Variants in ACP2 observed in about 807,000 individuals in gnomAD.
ACP2 encodes the protein lysosomal acid phosphatase.
A neutral mutation model predicts 54.7 loss-of-function variants in ACP2; 35 were observed. The observed-to-expected ratio is 0.64, with a 90% CI of 0.49 to 0.85. The LOEUF (loss-of-function observed/expected upper bound fraction) is 0.85. Among genes scored for constraint, ACP2 ranks in the 40% least tolerant of loss-of-function variants. ACP2 has a pLI of 0.00. For synonymous variants in ACP2, 210 were observed against 224.4 expected, an observed-to-expected ratio of 0.94 and a Z score of 0.57; for missense variants, 492 against 565.0, an observed-to-expected ratio of 0.87 and a Z score of 1.31.
At chr11:47,245,856 T>G in intron 3 of ACP2, 22 bp from the exon 4 acceptor site, 2 of 1,317,976 alleles carry the variant, frequency 1.5e-6, no homozygotes, top group Non-Finnish European at 1.9e-6. Context: ...GCAACACAAG[T>G]CGTGTGTGTG....
Position 47,248,454 on chromosome 11 carries a change from C to A in ACP2, c.114+222G>T, listed in dbSNP as rs549986852. ...TCTTTAGGGATGAGTCTTAACCATT[C>A]AACCACTTCCCTGTCTCAAGGCAGA... On this transcript the variant is annotated intron_variant, in intron 1 of 10. Coordinates refer to ENST00000672073, the MANE Select transcript of ACP2 (RefSeq NM_001610.4). The A allele has an allele frequency of 1.7e-5, 27 of 1,544,954 alleles. No homozygotes were observed. The East Asian group carries it at 4.4e-4, about 25-fold the overall frequency.
Position 47,240,024 on chromosome 11 carries a change from C to G in ACP2, c.*92G>C. The stretch of plus-strand genomic sequence containing the variant: ...ATCAGAGGGAGGCCCAACCCAGGAT[C>G]TCCTGTCCATGGGCTGGGGAGCAGC... On this transcript the variant is annotated 3_prime_UTR_variant, in exon 11 of 11. Coordinates refer to ENST00000672073, the MANE Select transcript of ACP2 (RefSeq NM_001610.4). The G allele has an allele frequency of 6.9e-7, 1 of 1,443,368 alleles. No individual in the cohort carries two copies. Among genetic ancestry groups the G allele is most frequent in the Non-Finnish European group, 9.4e-7 (1 of 1,068,718 alleles). The allele number at this position is 1,443,368 out of a possible 1,614,324, so 89.4% of individuals were successfully genotyped here. A position where few individuals can be genotyped will look rare whatever the true frequency, so the allele number is the denominator to read the frequency against.
In ACP2 at chr11:47,239,648, A is replaced by G. The variant is rs141817382; in HGVS notation, c.*468T>C. On this transcript the variant is annotated 3_prime_UTR_variant, in exon 11 of 11. Transcript: ENST00000672073. Reference sequence around the variant, plus strand: ...GGGTGATCCAGTTCCTTGGGAGCCAATGTTTGTACCCCTGGTATTAGCTGT... The same window carrying G: ...GGGTGATCCAGTTCCTTGGGAGCCAGTGTTTGTACCCCTGGTATTAGCTGT... 1.9e-3 allele frequency: 304 copies of G among 156,018 alleles called. 2 individuals are homozygous for G. Among genetic ancestry groups the G allele is most frequent in the African/African-American group, 6.8e-3 (284 of 41,626 alleles). 9.7% of individuals were successfully genotyped at this position (156,018 alleles called of 1,614,324 possible).
intron 5 of ACP2, 27 bp from the exon 6 acceptor site, chr11:47,245,421 T>G (rs912963658): frequency 5.6e-6 from 9 of 1,614,168 alleles, no homozygotes; most frequent in Non-Finnish European, 7.6e-6. Context: ...AGGGTCTCAG[T>G]CCTGCTCTGG....
chr11:47,245,193 C>T (rs759101018), intron 6 of ACP2, 112 bp downstream of exon 6: 4 of 1,223,140 alleles, frequency 3.3e-6, no homozygotes, highest in Non-Finnish European at 3.6e-6. Flanking sequence ...CACAGCCTCC[C>T]TGGACCTCCC....
rs746185729 is a variant in ACP2 at position 47,247,526 on chromosome 11, G to A, written c.297+115C>T. 5 of 1,213,334 alleles carry A rather than the reference G, an allele frequency of 4.1e-6. No homozygotes were observed. The Admixed American group carries it at 8.8e-5, about 21-fold the overall frequency. 75.2% of individuals were successfully genotyped at this position (1,213,334 alleles called of 1,614,324 possible). On this transcript the variant is annotated intron_variant, in intron 3 of 10. Coordinates refer to ENST00000672073, the MANE Select transcript of ACP2 (RefSeq NM_001610.4). ...CTCAGATGTCTTTTCCTGTAGTTGTGACCAAAAATACAAGAAGGAGGCCAA... is the reference window on the plus strand; with the variant it reads ...CTCAGATGTCTTTTCCTGTAGTTGTAACCAAAAATACAAGAAGGAGGCCAA...
At chr11:47,248,291 G>C (rs1257364350) in intron 1 of ACP2, 158 bp from the exon 2 acceptor site, 2 of 1,012,154 alleles carry the variant, frequency 2.0e-6, no homozygotes, top group Middle Eastern at 2.1e-4. Context: ...ACTTCTTCCA[G>C]ATTCCAGAGA....
chr11:47,248,309 T>TGGAG, intron 1 of ACP2, 176 bp from the exon 2 acceptor site: 1 of 1,048,436 alleles, frequency 9.5e-7, no homozygotes, highest in Non-Finnish European at 1.4e-6. Context: ...AGATTCTAAC[T>TGGAG]TAGCTAAGCA....
intron 6 of ACP2, 164 bp downstream of exon 6, chr11:47,245,141 G>T (rs990904771): frequency 5.3e-6 from 5 of 935,202 alleles, no homozygotes; most frequent in Non-Finnish European, 8.6e-6. Context: ...CCCACTCTGA[G>T]GATCTCTGTC....
At chr11:47,243,456 AC>A in intron 7 of ACP2, 135 bp from the exon 8 acceptor site, 1 of 670,838 alleles carries the variant, frequency 1.5e-6, no homozygotes, top group Non-Finnish European at 2.6e-6. Context: ...TGTCATAGGG[AC>A]CATGTAAGAA....
intron 10 of ACP2, among the ~76,000 whole-genome samples, 188 bp downstream of exon 10, chr11:47,242,535 G>A (rs761508607): frequency 2.0e-5 from 3 of 152,196 alleles, no homozygotes; most frequent in Non-Finnish European, 4.4e-5. Flanking sequence ...TTATTTTCTC[G>A]GTGATACAAG....
At position 47,244,878 on chromosome 11, in the gene ACP2, C is replaced by A; in HGVS notation, c.640-11G>T. The A allele has an allele frequency of 5.0e-6, 8 of 1,595,414 alleles. No homozygotes were observed. The highest frequency in any genetic ancestry group is 6.8e-6 in the Non-Finnish European group (8 of 1,168,348). On this transcript the variant is annotated splice_polypyrimidine_tract_variant and intron_variant, in intron 6 of 10. Coordinates refer to ENST00000672073, the MANE Select transcript of ACP2 (RefSeq NM_001610.4). The stretch of plus-strand genomic sequence containing the variant: ...CAGCCCGTGCGTTTGCTGTGTATCG[C>A]AGCAGGCAGGTTAGCGCCCCAGGCC...
chr11:47,245,831 A>AAACC lies in ACP2; in HGVS notation c.298-1_300dup (p.Tyr101GlyfsTer9). 1 of 1,567,740 alleles carries AAACC rather than the reference A, an allele frequency of 6.4e-7. No individual in the cohort carries two copies. The highest frequency in any genetic ancestry group is 8.7e-7 in the Non-Finnish European group (1 of 1,156,036). On this transcript the variant is annotated frameshift_variant, in exon 4 of 11. Coordinates refer to ENST00000672073, the MANE Select transcript of ACP2 (RefSeq NM_001610.4). LOFTEE classifies it high-confidence loss of function. ...CGGTCAAAGTCTGTGCTTCGCACAT[A>AAACC]AACCTGCAGCGATAGCAACACAAGT...
chr11:47,240,646 G>A (rs922672151), intron 10 of ACP2, among the ~76,000 whole-genome samples: 1 of 151,996 alleles, frequency 6.6e-6, no homozygotes, highest in Non-Finnish European at 1.5e-5. Context: ...GTGGTGAAAT[G>A]CCGTCTCTAC....
intron 10 of ACP2, among the ~76,000 whole-genome samples, chr11:47,241,041 TATC>T (rs1454215049): frequency 6.6e-6 from 1 of 152,070 alleles, no homozygotes; most frequent in Admixed American, 6.6e-5. Flanking sequence ...CACATGCTAG[TATC>T]ATCAAGAGTC....
At position 47,248,127 on chromosome 11, in the gene ACP2, G is replaced by A. The variant is rs916224962; in HGVS notation, c.121C>T (p.Arg41Cys). Residue 41 changes from arginine (R) to cysteine (C), a missense_variant, in exon 2 of 11, where the codon CGC (arginine) becomes TGC (cysteine). By Grantham distance (180) the Arg-to-Cys change is radical (BLOSUM62 -3). Transcript: ENST00000672073. ...RSLRFVTLLY[R>C]HGDRSPVKTY... ...TTCACTGGTGAACGGTCTCCATGGCGGTACAGCTGAGAGAATAAAATGGTT... is the reference window on the plus strand; with the variant it reads ...TTCACTGGTGAACGGTCTCCATGGCAGTACAGCTGAGAGAATAAAATGGTT... 2.5e-6 allele frequency: 4 copies of A among 1,602,156 alleles called. No homozygotes were observed. The highest frequency in any genetic ancestry group is 3.4e-6 in the Non-Finnish European group (4 of 1,176,252).
In ACP2 at chr11:47,245,923, T is replaced by C. The variant is rs1954062169; in HGVS notation, c.298-89A>G. On this transcript the variant is annotated intron_variant, in intron 3 of 10. Transcript: ENST00000672073. ...GGTCACCCTGAAGTGGAGCCTTGTA[T>C]GTATGTGTGTGTGTGTGGTGGGAAG... The C allele has an allele frequency of 4.9e-6, 7 of 1,441,858 alleles. No individual in the cohort carries two copies. The South Asian group carries it at 8.7e-5, about 18-fold the overall frequency. 89.3% of individuals were successfully genotyped at this position (1,441,858 alleles called of 1,614,324 possible).
chr11:47,248,762 G>C lies in ACP2; in HGVS notation c.28C>G (p.Arg10Gly), dbSNP rs41275182. ...AGAAGGAGCTGGAGGAGAGCCGCCC[G>C]GCTCCAGCCGGACCGCTTGCCCGCC... Reference protein sequence around the residue: MAGKRSGWSRAALLQLLLGV... With the variant: MAGKRSGWSGAALLQLLLGV... Residue 10 changes from arginine to glycine, a missense_variant, in exon 1 of 11, where the codon CGG (arginine) becomes GGG (glycine). Physicochemically the swap from Arg to Gly is moderately radical, Grantham distance 125 (BLOSUM62 -2). Coordinates refer to ENST00000672073, the MANE Select transcript of ACP2 (RefSeq NM_001610.4). The C allele has an allele frequency of 6.2e-7, 1 of 1,601,376 alleles. No individual in the cohort carries two copies.
intron 1 of ACP2, 77 bp downstream of exon 1, chr11:47,248,599 G>C: frequency 6.4e-7 from 1 of 1,554,668 alleles, no homozygotes; most frequent in Non-Finnish European, 8.7e-7. Flanking sequence ...GTTCCTTCCC[G>C]AGATCCTCGA....
Sources: gnomAD v4.1 joint callset for allele counts (sites outside exome capture counted in the v4.1 genomes callset) on GRCh38, gnomAD v4.1.1 for gene constraint, MANE v1.5 for transcripts, NCBI Gene and HGNC (gene_info 2026-07-23, HGNC 2026-07-21) for gene names.